The following DOCK1 variants were observed in gnomAD, a reference collection of about 807,000 sequenced individuals.
The protein encoded by DOCK1 is dedicator of cytokinesis 1, also known as dedicator of cytokinesis protein 1.
Under a neutral mutation model 262.7 loss-of-function variants are expected in DOCK1, and 138 were observed. The ratio of observed to expected loss-of-function variants is 0.53; its 90% CI spans 0.46 to 0.61. The LOEUF is 0.61. Ranked by LOEUF, DOCK1 falls within the 20% of genes least tolerant of loss-of-function variation. The probability of loss-of-function intolerance (pLI) is 0.00; values close to 1 mark genes in which losing one functional copy is unlikely to be tolerated. For synonymous variants in DOCK1, 866 were observed against 867.4 expected (o/e 1.00, Z 0.03); for missense variants, 1,908 against 2,370.7 (o/e 0.80, Z 4.05).
chr10:127,361,668 G>T (rs2064459187), intron 32 of DOCK1, among the ~76,000 whole-genome samples: 1 of 152,130 alleles, frequency 6.6e-6, no homozygotes, highest in Non-Finnish European at 1.5e-5. Flanking sequence ...TCCTGTTCCT[G>T]TCGCTGTGCA....
At chr10:127,246,321 G>A (rs1215674032) in intron 27 of DOCK1, among the ~76,000 whole-genome samples, 1 of 152,184 alleles carries the variant, frequency 6.6e-6, no homozygotes, top group African/African-American at 2.4e-5. Flanking sequence ...CTGTAAAGTG[G>A]CACAGGAAGA....
intron 23 of DOCK1, among the ~76,000 whole-genome samples, chr10:127,076,682 G>A (rs2046576588): frequency 6.6e-6 from 1 of 152,106 alleles, no homozygotes; most frequent in Admixed American, 6.5e-5. Context: ...AGCTCCTCTG[G>A]AATCCTTGCC....
intron 23 of DOCK1, among the ~76,000 whole-genome samples, chr10:127,104,259 A>C (rs2048409168): frequency 1.3e-5 from 2 of 152,234 alleles, no homozygotes. Context: ...CAAAGAGCAG[A>C]AATTCTTTAT....
chr10:127,358,978 G>A (rs183951653), intron 32 of DOCK1, among the ~76,000 whole-genome samples: 10 of 152,290 alleles, frequency 6.6e-5, no homozygotes, highest in Admixed American at 6.5e-4. Context: ...GCAAGGACTG[G>A]AAGTAAAATA....
At chr10:127,043,712 G>C (rs1470874188) in intron 21 of DOCK1, among the ~76,000 whole-genome samples, 2 of 152,194 alleles carry the variant, frequency 1.3e-5, no homozygotes, top group East Asian at 1.9e-4. Flanking sequence ...GCTATGCATG[G>C]TGCCTGGGCC....
rs573705307 is a variant in DOCK1, at chr10:127,084,988, G to A, written c.2446-21243G>A. Among the ~76,000 whole-genome samples the A allele has an allele frequency of 3.3e-5, 5 of 152,238 alleles. No individual in the cohort carries two copies. The East Asian group carries it at 7.7e-4, about 24-fold the overall frequency. On this transcript the variant is annotated intron_variant, in intron 23 of 51. Transcript: ENST00000623213. ...TCTTGCCTTTATTCCTGTCTTGTTC[G>A]TTGTCCTCTGATTGAATCTCTGCGT...
chr10:126,959,747 C>T (rs1261570435), intron 1 of DOCK1, among the ~76,000 whole-genome samples: 2 of 152,154 alleles, frequency 1.3e-5, no homozygotes, highest in African/African-American at 4.8e-5. Flanking sequence ...GTTGGATCTC[C>T]AGGACATGCC....
intron 27 of DOCK1, among the ~76,000 whole-genome samples, chr10:127,210,010 G>C: frequency 6.6e-6 from 1 of 152,188 alleles, no homozygotes; most frequent in Non-Finnish European, 1.5e-5. Context: ...AAACTTGACT[G>C]CTAGGCTGCT....
chr10:127,183,829 T>C (rs1281676560), intron 27 of DOCK1, among the ~76,000 whole-genome samples: 1 of 152,224 alleles, frequency 6.6e-6, no homozygotes, highest in Non-Finnish European at 1.5e-5. Flanking sequence ...AAAATCTACC[T>C]CTTATCAATC....
chr10:127,308,124 C>CA (rs746315385), intron 29 of DOCK1, among the ~76,000 whole-genome samples: 2 of 152,334 alleles, frequency 1.3e-5, no homozygotes, highest in Admixed American at 6.5e-5. Context: ...GTTGATGTCT[C>CA]AGTTTGTGGA....
intron 29 of DOCK1, among the ~76,000 whole-genome samples, chr10:127,323,349 T>C (rs1443483539): frequency 1.3e-5 from 2 of 152,210 alleles, no homozygotes; most frequent in Non-Finnish European, 1.5e-5. Flanking sequence ...CTCTCAGATA[T>C]GTCCTGTCCG....
intron 23 of DOCK1, among the ~76,000 whole-genome samples, chr10:127,070,103 G>C (rs9418738): frequency 0.21 from 32,530 of 151,906 alleles, 3,913 homozygotes; most frequent in Middle Eastern, 0.32. Context: ...CTGTGTGTCT[G>C]TCTTTGTGTC....
intron 16 of DOCK1, among the ~76,000 whole-genome samples, chr10:127,030,468 T>C (rs1217319290): frequency 2.6e-5 from 4 of 152,206 alleles, no homozygotes; most frequent in African/African-American, 9.6e-5. Flanking sequence ...CCCCTCTTCC[T>C]GCAGCATTGA....
In DOCK1 at chr10:127,025,702, G is replaced by A. The variant is rs556213812; in HGVS notation, c.1552-650G>A. ...TGACCTCAAGTGATCCACCCTCCTCGGCCTCCCAGACTGCTGGGATTACAG... is the reference window on the plus strand; with the variant it reads ...TGACCTCAAGTGATCCACCCTCCTCAGCCTCCCAGACTGCTGGGATTACAG... On this transcript the variant is annotated intron_variant, in intron 15 of 51. Coordinates refer to ENST00000623213, the MANE Select transcript of DOCK1 (RefSeq NM_001290223.2). Among the ~76,000 whole-genome samples, 50 of 152,004 alleles carry A rather than the reference G, an allele frequency of 3.3e-4. No individual in the cohort carries two copies. The South Asian group carries it at 5.4e-3, about 16-fold the overall frequency.
At chr10:127,185,387 G>A (rs1239958697) in intron 27 of DOCK1, among the ~76,000 whole-genome samples, 2 of 152,042 alleles carry the variant, frequency 1.3e-5, no homozygotes, top group African/African-American at 2.4e-5. Flanking sequence ...TTAGCTGGGC[G>A]TGGTGATGCG....
chr10:127,203,204 A>G (rs1005134728), intron 27 of DOCK1, among the ~76,000 whole-genome samples: 2 of 152,178 alleles, frequency 1.3e-5, no homozygotes, highest in African/African-American at 4.8e-5. Flanking sequence ...ACAAGAGGCC[A>G]CTTCACACCC....
chr10:127,074,549 T>C (rs779638477), intron 23 of DOCK1, among the ~76,000 whole-genome samples: 1 of 152,230 alleles, frequency 6.6e-6, no homozygotes, highest in Non-Finnish European at 1.5e-5. Context: ...TGGGAAATCC[T>C]ATACATTCAA....
intron 29 of DOCK1, among the ~76,000 whole-genome samples, chr10:127,275,734 A>AGG (rs2060717017): frequency 6.6e-6 from 1 of 150,500 alleles, no homozygotes; most frequent in Non-Finnish European, 1.5e-5. Context: ...GGACAGAGGG[A>AGG]GGTACAGGTG....
chr10:127,402,924 G>A (rs2296631), intron 38 of DOCK1, 131 bp from the exon 39 acceptor site: 200,837 of 869,004 alleles, frequency 0.23, 24,082 homozygotes, highest in Middle Eastern at 0.26. Flanking sequence ...GTATTTTTTC[G>A]GTGTTATTCC....
Sources: gnomAD v4.1 joint callset for allele counts (sites outside exome capture counted in the v4.1 genomes callset) on GRCh38, gnomAD v4.1.1 for gene constraint, MANE v1.5 for transcripts, NCBI Gene and HGNC (gene_info 2026-07-23, HGNC 2026-07-21) for gene names.